Variants in SSBP2 observed in about 807,000 individuals in gnomAD.
The protein encoded by SSBP2 is single-stranded DNA-binding protein 2.
Under a neutral mutation model 61.8 loss-of-function variants are expected in SSBP2, and 17 were observed. That is an observed-to-expected ratio of 0.28 (90% CI 0.19 to 0.41). The LOEUF (loss-of-function observed/expected upper bound fraction) is 0.41. SSBP2 is among the 10% of genes least tolerant of loss of function. The probability of loss-of-function intolerance (pLI) is 1.00; values close to 1 mark genes in which losing one functional copy is unlikely to be tolerated. For missense variants in SSBP2, 310 were observed against 458.7 expected, an observed-to-expected ratio of 0.68 and a Z score of 2.96; for synonymous variants, 139 against 141.3, an observed-to-expected ratio of 0.98 and a Z score of 0.12.
intron 4 of SSBP2, among the ~76,000 whole-genome samples, chr5:81,551,320 C>A (rs959696391): frequency 5.3e-5 from 8 of 151,956 alleles, no homozygotes; most frequent in Non-Finnish European, 1.2e-4. Context: ...AACAATAAAT[C>A]TGATAATTTT....
Position 81,619,649 on chromosome 5 carries a change from A to G in SSBP2, c.198-4092T>C, listed in dbSNP as rs563235100. ...ACCAAAGCCGGGCAGAGACACAACCAAAAAAGAGAATTTTAGACCAATATC... is the reference window on the plus strand; with the variant it reads ...ACCAAAGCCGGGCAGAGACACAACCGAAAAAGAGAATTTTAGACCAATATC... On this transcript the variant is annotated intron_variant, in intron 3 of 16. Transcript: ENST00000320672. 2.4e-3 allele frequency among the ~76,000 whole-genome samples: 288 copies of G among 121,350 alleles called. 1 individual carries two copies. Among genetic ancestry groups the G allele is most frequent in the African/African-American group, 9.2e-3 (274 of 29,924 alleles). 79.6% of individuals were successfully genotyped at this position (121,350 alleles called of 152,430 possible). A position where few individuals can be genotyped will look rare whatever the true frequency, so the allele number is the denominator to read the frequency against.
At chr5:81,466,859 G>A (rs538672819) in intron 9 of SSBP2, 115 bp downstream of exon 9, 118 of 568,046 alleles carry the variant, frequency 2.1e-4, no homozygotes, top group African/African-American at 3.7e-4. Context: ...ACAAATTAAC[G>A]TCATTTTAGA....
chr5:81,481,380 G>A (rs1185607497), intron 6 of SSBP2, among the ~76,000 whole-genome samples: 1 of 152,054 alleles, frequency 6.6e-6, no homozygotes, highest in Non-Finnish European at 1.5e-5. Context: ...TCAACACTTT[G>A]GGAGGCCGAG....
At chr5:81,631,930 A>G (rs988025061) in intron 3 of SSBP2, among the ~76,000 whole-genome samples, 2 of 152,176 alleles carry the variant, frequency 1.3e-5, no homozygotes, top group African/African-American at 2.4e-5. Context: ...CTGAATCCAC[A>G]TGTTTTCCTT....
At chr5:81,739,138 C>T (rs1213786875) in intron 1 of SSBP2, among the ~76,000 whole-genome samples, 1 of 118,442 alleles carries the variant, frequency 8.4e-6, no homozygotes, top group Non-Finnish European at 1.6e-5. Context: ...GCACTCCAGC[C>T]TGGTGACAGA....
intron 5 of SSBP2, among the ~76,000 whole-genome samples, chr5:81,504,252 C>A (rs1351989545): frequency 2.0e-5 from 3 of 152,186 alleles, no homozygotes; most frequent in African/African-American, 7.2e-5. Flanking sequence ...CAATGACATG[C>A]AAACTGCTCT....
At chr5:81,540,157 G>T (rs548701979) in intron 4 of SSBP2, among the ~76,000 whole-genome samples, 1 of 152,144 alleles carries the variant, frequency 6.6e-6, no homozygotes. Flanking sequence ...GGGCATTTGG[G>T]TTGGTTCCAA....
chr5:81,537,019 T>C (rs1770860368), intron 4 of SSBP2, among the ~76,000 whole-genome samples: 1 of 151,028 alleles, frequency 6.6e-6, no homozygotes, highest in Non-Finnish European at 1.5e-5. Context: ...AAAAAAAAAT[T>C]GTAGCAATTG....
At chr5:81,724,260 T>C (rs1755729480) in intron 1 of SSBP2, among the ~76,000 whole-genome samples, 1 of 152,084 alleles carries the variant, frequency 6.6e-6, no homozygotes, top group Admixed American at 6.6e-5. Context: ...TAAAACATTA[T>C]GTCATCCCAT....
intron 1 of SSBP2, among the ~76,000 whole-genome samples, chr5:81,728,449 T>C (rs1303192536): frequency 6.6e-6 from 1 of 152,204 alleles, no homozygotes; most frequent in Non-Finnish European, 1.5e-5. Flanking sequence ...TTTGAAAACA[T>C]TGGTATAGAG....
At chr5:81,668,144 T>A (rs577153899) in intron 1 of SSBP2, among the ~76,000 whole-genome samples, 1 of 150,986 alleles carries the variant, frequency 6.6e-6, no homozygotes, top group South Asian at 2.1e-4. Flanking sequence ...AAGATACAAT[T>A]ACTGTTGATA....
At chr5:81,426,891 A>G (rs1761986363) in intron 16 of SSBP2, among the ~76,000 whole-genome samples, 1 of 152,064 alleles carries the variant, frequency 6.6e-6, no homozygotes, top group African/African-American at 2.4e-5. Flanking sequence ...CAAATTAATC[A>G]TTTCCTCTGA....
At chr5:81,497,130 G>A (rs757196335) in intron 5 of SSBP2, among the ~76,000 whole-genome samples, 2 of 152,164 alleles carry the variant, frequency 1.3e-5, no homozygotes, top group Non-Finnish European at 2.9e-5. Flanking sequence ...AATTTCAAAA[G>A]CTCTATCTCT....
intron 1 of SSBP2, among the ~76,000 whole-genome samples, chr5:81,747,452 A>C (rs771776183): frequency 3.3e-5 from 5 of 152,180 alleles, no homozygotes; most frequent in Non-Finnish European, 7.4e-5. Context: ...GAATTAAGAA[A>C]AAAATATACA....
chr5:81,546,262 T>C (rs1264486453), intron 4 of SSBP2, among the ~76,000 whole-genome samples: 1 of 152,216 alleles, frequency 6.6e-6, no homozygotes, highest in South Asian at 2.1e-4. Flanking sequence ...TATTACTAAG[T>C]AGCAAAATCA....
chr5:81,736,188 A>T (rs1015653393), intron 1 of SSBP2, among the ~76,000 whole-genome samples: 16 of 33,598 alleles, frequency 4.8e-4, no homozygotes, highest in Non-Finnish European at 1.1e-3. Context: ...ACACACACAC[A>T]CTCTACGGCA....
chr5:81,526,276 A>G (rs1301166096), intron 4 of SSBP2, among the ~76,000 whole-genome samples: 2 of 152,050 alleles, frequency 1.3e-5, no homozygotes, highest in African/African-American at 2.4e-5. Context: ...TGCATCTAAT[A>G]TAACATATTT....
chr5:81,672,118 T>C (rs111409696), intron 1 of SSBP2, among the ~76,000 whole-genome samples: 16 of 152,286 alleles, frequency 1.1e-4, no homozygotes, highest in African/African-American at 3.6e-4. Context: ...AATAGCAACT[T>C]ATATTTATAG....
At chr5:81,468,721 G>C (rs909747431) in intron 8 of SSBP2, among the ~76,000 whole-genome samples, 1 of 151,998 alleles carries the variant, frequency 6.6e-6, no homozygotes, top group Admixed American at 6.6e-5. Flanking sequence ...TGACTCCAGA[G>C]TGTAAGCTAC....
Sources: allele counts gnomAD v4.1 joint callset (sites outside exome capture counted in the v4.1 genomes callset), GRCh38; gene constraint gnomAD v4.1.1; transcripts MANE v1.5; gene names NCBI Gene and HGNC (gene_info 2026-07-23, HGNC 2026-07-21).